The following DISC1 variants were observed in gnomAD, a reference collection of about 807,000 sequenced individuals.
DISC1 encodes the protein DISC1 scaffold protein.
DISC1 carries 57 observed loss-of-function variants against 84.5 expected under a neutral mutation model. That is an observed-to-expected ratio of 0.67 (90% CI 0.55 to 0.84). The LOEUF is 0.84. Among genes scored for constraint, DISC1 ranks in the 40% least tolerant of loss-of-function variants. The pLI is 0.00. For missense variants in DISC1, 1,000 were observed against 1,057.8 expected (o/e 0.95, Z 0.76); for synonymous variants, 411 against 415.2 (o/e 0.99, Z 0.12).
chr1:231,709,218 T>C (rs993676970), intron 3 of DISC1, among the ~76,000 whole-genome samples: 4 of 152,344 alleles, frequency 2.6e-5, no homozygotes, highest in Non-Finnish European at 1.5e-5. Context: ...GGTCTAAGTG[T>C]TGGCATTTTT....
chr1:231,788,988 G>A (rs1481681079), intron 6 of DISC1, among the ~76,000 whole-genome samples: 1 of 148,502 alleles, frequency 6.7e-6, no homozygotes, highest in South Asian at 2.1e-4. Context: ...AACACTTCAA[G>A]TACTTCTCCA....
At chr1:231,646,982 G>A (rs545795451) in intron 1 of DISC1, among the ~76,000 whole-genome samples, 2 of 152,292 alleles carry the variant, frequency 1.3e-5, no homozygotes, top group East Asian at 3.9e-4. Context: ...CAGATGGGTA[G>A]ATTGCAAAAA....
At chr1:231,858,515 T>C (rs1443671757) in intron 9 of DISC1, among the ~76,000 whole-genome samples, 1 of 152,166 alleles carries the variant, frequency 6.6e-6, no homozygotes, top group East Asian at 1.9e-4. Context: ...AGGGTGCTCG[T>C]CTTCATTCTG....
chr1:232,039,420 C>T lies in DISC1; in HGVS notation c.*2589C>T, dbSNP rs961802310. 6 of 152,102 alleles carry T rather than the reference C, an allele frequency of 3.9e-5. No homozygotes were observed. In the East Asian group the frequency reaches 7.7e-4, roughly 20 times the overall value. The allele number at this position is 152,102 out of a possible 1,614,324, so 9.4% of individuals were successfully genotyped here. ...ATAACTGCCTTGAATTGTTTGAACCCGAAATAAGGGTTCTTTGGTACCTCT... is the reference window on the plus strand; with the variant it reads ...ATAACTGCCTTGAATTGTTTGAACCTGAAATAAGGGTTCTTTGGTACCTCT... On this transcript the variant is annotated 3_prime_UTR_variant, in exon 13 of 13. Coordinates refer to ENST00000439617, the MANE Select transcript of DISC1 (RefSeq NM_018662.3).
At chr1:231,682,619 C>G (rs1443764854) in intron 1 of DISC1, among the ~76,000 whole-genome samples, 1 of 152,138 alleles carries the variant, frequency 6.6e-6, no homozygotes, top group Non-Finnish European at 1.5e-5. Flanking sequence ...GCTATTAAGT[C>G]CAGGTCCATA....
chr1:232,009,317 C>G lies in DISC1; in HGVS notation c.2307+268C>G. On this transcript the variant is annotated intron_variant, in intron 11 of 12. Coordinates refer to ENST00000439617, the MANE Select transcript of DISC1 (RefSeq NM_018662.3). The surrounding 1 kb of genome is among the most constrained non-coding windows in gnomAD (Gnocchi z 4.6). Reference sequence around the variant, plus strand: ...AGTGGCTAGAATTAGAATATGCAGTCTAATATAGAATTACCATATATAGCA... The same window carrying G: ...AGTGGCTAGAATTAGAATATGCAGTGTAATATAGAATTACCATATATAGCA... 1 of 1,225,092 alleles carries G rather than the reference C, an allele frequency of 8.2e-7. No individual in the cohort carries two copies. The highest frequency in any genetic ancestry group is 1.9e-5 in the South Asian group (1 of 53,700). 75.9% of individuals were successfully genotyped at this position (1,225,092 alleles called of 1,614,324 possible).
chr1:231,904,366 A>G (rs1490721892), intron 9 of DISC1, among the ~76,000 whole-genome samples: 1 of 152,090 alleles, frequency 6.6e-6, no homozygotes, highest in Non-Finnish European at 1.5e-5. Flanking sequence ...TTAGTCCTAA[A>G]TATATTAGGT....
At chr1:231,721,155 GAAA>G in intron 3 of DISC1, 1 of 1,220,462 alleles carries the variant, frequency 8.2e-7, no homozygotes, top group East Asian at 5.7e-5. Flanking sequence ...CTGGGCTGAT[GAAA>G]GAAACAGAGG....
intron 9 of DISC1, among the ~76,000 whole-genome samples, chr1:231,894,778 T>TGCGC (rs555360813): frequency 2.9e-5 from 4 of 139,318 alleles, no homozygotes; most frequent in African/African-American, 1.0e-4. Context: ...TGTGTGTGTG[T>TGCGC]GCATCTTTTT....
intron 1 of DISC1, among the ~76,000 whole-genome samples, chr1:231,646,089 A>G (rs1387062349): frequency 6.7e-6 from 1 of 149,162 alleles, no homozygotes; most frequent in African/African-American, 2.5e-5. Flanking sequence ...CAGTGTTATC[A>G]TTTATTATTT....
intron 6 of DISC1, among the ~76,000 whole-genome samples, chr1:231,780,929 A>G (rs1166219444): frequency 1.6e-4 from 19 of 118,706 alleles, no homozygotes; most frequent in African/African-American, 6.1e-4. Context: ...CAAACACCGC[A>G]TATTCTCACT....
chr1:231,784,704 G>T (rs193009387), intron 6 of DISC1, among the ~76,000 whole-genome samples: 2 of 152,124 alleles, frequency 1.3e-5, no homozygotes, highest in African/African-American at 2.4e-5. Context: ...GAGCTAGTTG[G>T]TGAGCACGAA....
intron 1 of DISC1, among the ~76,000 whole-genome samples, chr1:231,633,700 T>A (rs823165): frequency 0.37 from 55,662 of 151,984 alleles, 10,897 homozygotes; most frequent in East Asian, 0.81. Context: ...GATGAACAAA[T>A]CTACCAGGAG....
At position 231,825,984 on chromosome 1, in the gene DISC1, T is replaced by C. The variant is rs76240634; in HGVS notation, c.1981+7467T>C. On this transcript the variant is annotated intron_variant, in intron 9 of 12. Transcript: ENST00000439617. Reference sequence around the variant, plus strand: ...TGAGCTACAGCTATTGTGGATTTAATGTTTTCTTTGAAGAAAAGGAATGAT... The same window carrying C: ...TGAGCTACAGCTATTGTGGATTTAACGTTTTCTTTGAAGAAAAGGAATGAT... 1.4e-4 allele frequency among the ~76,000 whole-genome samples: 21 copies of C among 152,372 alleles called. No homozygotes were observed. The East Asian group carries it at 4.0e-3, about 29-fold the overall frequency.
rs1307316921 is a variant in DISC1, at chr1:231,955,478, A to G, written c.1982-3350A>G. ...TGGCTTAGGGTAAAAATCTGTAGTC[A>G]TTCTTGACTTTTTTTTTTTTTTTTT... On this transcript the variant is annotated intron_variant, in intron 9 of 12. Transcript: ENST00000439617. Among the ~76,000 whole-genome samples the G allele has an allele frequency of 2.2e-5, 3 of 134,934 alleles. No homozygotes were observed. The East Asian group carries it at 6.3e-4, about 28-fold the overall frequency. 88.5% of individuals were successfully genotyped at this position (134,934 alleles called of 152,430 possible). A position where few individuals can be genotyped will look rare whatever the true frequency, so the allele number is the denominator to read the frequency against.
chr1:231,992,878 C>T (rs1665408323), intron 10 of DISC1, among the ~76,000 whole-genome samples: 1 of 152,180 alleles, frequency 6.6e-6, no homozygotes, highest in African/African-American at 2.4e-5. Context: ...TAGTGGATGA[C>T]ATCTTGCTAG....
intron 9 of DISC1, among the ~76,000 whole-genome samples, chr1:231,868,233 T>G (rs888133380): frequency 5.3e-5 from 8 of 152,336 alleles, no homozygotes; most frequent in Admixed American, 2.6e-4. Context: ...GAAGAGATTC[T>G]GCTTTCCTAT....
At chr1:231,772,164 C>T (rs2076601099) in intron 6 of DISC1, among the ~76,000 whole-genome samples, 1 of 151,912 alleles carries the variant, frequency 6.6e-6, no homozygotes, top group African/African-American at 2.4e-5. Flanking sequence ...CTATGTTGCC[C>T]AGGTTGCTCT....
intron 6 of DISC1, among the ~76,000 whole-genome samples, chr1:231,777,617 G>A (rs550181980): frequency 1.3e-5 from 2 of 152,308 alleles, no homozygotes; most frequent in East Asian, 3.9e-4. Context: ...AGAAGTGTGT[G>A]AGCAATGCTG....
Sources: gnomAD v4.1 joint callset for allele counts (sites outside exome capture counted in the v4.1 genomes callset) on GRCh38, gnomAD v4.1.1 for gene constraint, Gnocchi (gnomAD v3.1) non-coding constraint, MANE v1.5 for transcripts, NCBI Gene and HGNC (gene_info 2026-07-23, HGNC 2026-07-21) for gene names.